Variants in GPC5 observed in about 807,000 individuals in gnomAD.
GPC5 encodes glypican 5, also known as glypican-5.
GPC5 carries 47 observed loss-of-function variants against 53.9 expected under a neutral mutation model. The ratio of observed to expected loss-of-function variants is 0.87; its 90% confidence interval spans 0.69 to 1.11. The LOEUF (loss-of-function observed/expected upper bound fraction) is 1.11, where lower values mean the gene tolerates loss of function less well. Ranked by LOEUF, GPC5 falls within the 50% of genes most tolerant of loss-of-function variation. GPC5 has a pLI of 0.00. For synonymous variants in GPC5, 286 were observed against 263.3 expected (o/e 1.09, Z -0.84); for missense variants, 748 against 713.1 (o/e 1.05, Z -0.56).
intron 7 of GPC5, among the ~76,000 whole-genome samples, chr13:92,379,668 A>G (rs997619094): frequency 1.3e-5 from 2 of 148,262 alleles, no homozygotes; most frequent in African/African-American, 5.0e-5. Flanking sequence ...TGCCCCCTGC[A>G]TATTAGTTCC....
intron 7 of GPC5, among the ~76,000 whole-genome samples, chr13:92,288,498 G>A (rs746005335): frequency 2.0e-5 from 3 of 152,100 alleles, no homozygotes; most frequent in Non-Finnish European, 2.9e-5. Flanking sequence ...ATGTGGTCAC[G>A]GAAATCTCTT....
intron 2 of GPC5, among the ~76,000 whole-genome samples, chr13:91,656,397 G>A (rs912967158): frequency 1.3e-5 from 2 of 152,146 alleles, no homozygotes; most frequent in African/African-American, 4.8e-5. Context: ...TGATTGCAGA[G>A]GTATAGATCT....
intron 7 of GPC5, among the ~76,000 whole-genome samples, chr13:92,547,772 A>G (rs1255035718): frequency 3.4e-5 from 5 of 148,988 alleles, no homozygotes; most frequent in Admixed American, 2.7e-4. Context: ...AATTATTTTT[A>G]GTTAAAACAT....
chr13:91,859,887 A>G (rs984889097), intron 5 of GPC5, among the ~76,000 whole-genome samples: 3 of 152,068 alleles, frequency 2.0e-5, no homozygotes, highest in Admixed American at 6.6e-5. Context: ...ACTCTATACC[A>G]CAAATATGTA....
intron 7 of GPC5, among the ~76,000 whole-genome samples, chr13:92,270,188 G>A (rs1212470358): frequency 1.3e-5 from 2 of 152,108 alleles, no homozygotes; most frequent in Non-Finnish European, 2.9e-5. Flanking sequence ...GGAGATACTT[G>A]AATGGCAAAT....
intron 6 of GPC5, among the ~76,000 whole-genome samples, chr13:92,110,375 C>A (rs189362841): frequency 6.6e-6 from 1 of 152,146 alleles, no homozygotes; most frequent in Non-Finnish European, 1.5e-5. Context: ...ACTCAAAAAT[C>A]AGACTGATCA....
intron 3 of GPC5, among the ~76,000 whole-genome samples, chr13:91,723,352 A>G (rs1041823134): frequency 6.6e-6 from 1 of 151,888 alleles, no homozygotes; most frequent in Non-Finnish European, 1.5e-5. Context: ...CATGGGTTTA[A>G]CTATTGGCTC....
At chr13:91,720,360 C>T (rs1301435012) in intron 3 of GPC5, among the ~76,000 whole-genome samples, 4 of 152,164 alleles carry the variant, frequency 2.6e-5, no homozygotes, top group Admixed American at 2.0e-4. Flanking sequence ...ATTTTACTTG[C>T]ATTTTCAGTA....
chr13:92,632,963 T>C (rs1187819987), intron 7 of GPC5, among the ~76,000 whole-genome samples: 3 of 152,210 alleles, frequency 2.0e-5, no homozygotes, highest in African/African-American at 7.2e-5. Context: ...CTATCTTGGC[T>C]CACTGCAATC....
intron 7 of GPC5, among the ~76,000 whole-genome samples, chr13:92,206,108 TTTG>T (rs1042569368): frequency 6.6e-6 from 1 of 150,764 alleles, no homozygotes; most frequent in African/African-American, 2.4e-5. Context: ...TATATATATA[TTTG>T]TTGTTGTTAT....
chr13:92,667,607 C>A (rs895678892), intron 7 of GPC5, among the ~76,000 whole-genome samples: 2 of 152,008 alleles, frequency 1.3e-5, no homozygotes, highest in African/African-American at 4.8e-5. Context: ...GAGAGAGCTG[C>A]GAGAAGTGTA....
intron 7 of GPC5, among the ~76,000 whole-genome samples, chr13:92,286,453 C>T (rs903580714): frequency 6.6e-5 from 10 of 152,070 alleles, no homozygotes; most frequent in Non-Finnish European, 1.5e-4. Context: ...TATTTCGGCA[C>T]TATTCACAAT....
intron 7 of GPC5, among the ~76,000 whole-genome samples, chr13:92,216,591 A>G (rs774887266): frequency 2.0e-5 from 3 of 152,190 alleles, no homozygotes; most frequent in Non-Finnish European, 4.4e-5. Context: ...GATAATAATG[A>G]TAGCTAATAT....
intron 7 of GPC5, among the ~76,000 whole-genome samples, chr13:92,411,824 G>A (rs1876054764): frequency 6.6e-6 from 1 of 152,090 alleles, no homozygotes; most frequent in Non-Finnish European, 1.5e-5. Flanking sequence ...TCAAAATAGA[G>A]CTTGTATATA....
At chr13:92,342,269 C>A (rs2043373244) in intron 7 of GPC5, among the ~76,000 whole-genome samples, 1 of 152,154 alleles carries the variant, frequency 6.6e-6, no homozygotes, top group Non-Finnish European at 1.5e-5. Flanking sequence ...CAACAAAGCA[C>A]TGTTTCTCCC....
intron 7 of GPC5, among the ~76,000 whole-genome samples, chr13:92,366,791 T>C (rs1298478646): frequency 1.3e-5 from 2 of 152,236 alleles, no homozygotes; most frequent in Non-Finnish European, 2.9e-5. Flanking sequence ...AAATTTCATT[T>C]TTTGATTGAA....
intron 7 of GPC5, among the ~76,000 whole-genome samples, chr13:92,311,566 G>T (rs1282280653): frequency 6.6e-6 from 1 of 152,138 alleles, no homozygotes; most frequent in African/African-American, 2.4e-5. Context: ...AGCATGGCTG[G>T]GGAGGCCTCA....
intron 2 of GPC5, among the ~76,000 whole-genome samples, chr13:91,586,100 G>T (rs1033225181): frequency 2.0e-5 from 3 of 147,834 alleles, no homozygotes; most frequent in Non-Finnish European, 4.4e-5. Flanking sequence ...TGTCTTGCAT[G>T]TACTGTCCTT....
At chr13:92,826,326 G>T (rs551562847) in intron 7 of GPC5, among the ~76,000 whole-genome samples, 1 of 152,206 alleles carries the variant, frequency 6.6e-6, no homozygotes, top group African/African-American at 2.4e-5. Context: ...TGCTGGCCTT[G>T]AAAAACCCAA....
Sources: gnomAD v4.1 joint callset for allele counts (sites outside exome capture counted in the v4.1 genomes callset) on GRCh38, gnomAD v4.1.1 for gene constraint, MANE v1.5 for transcripts, NCBI Gene and HGNC (gene_info 2026-07-23, HGNC 2026-07-21) for gene names.